The following SDCCAG8 variants were observed in gnomAD, a reference collection of about 807,000 sequenced individuals.
SDCCAG8 encodes serologically defined colon cancer antigen 8.
A neutral mutation model predicts 101.8 loss-of-function variants in SDCCAG8; 74 were observed. The observed-to-expected ratio is 0.73, with a 90% CI of 0.60 to 0.88. The LOEUF (loss-of-function observed/expected upper bound fraction) is 0.88, where lower values mean the gene tolerates loss of function less well. Among genes scored for constraint, SDCCAG8 ranks in the 40% least tolerant of loss-of-function variants. The probability of loss-of-function intolerance (pLI) is 0.00; values close to 1 mark genes in which losing one functional copy is unlikely to be tolerated. For synonymous variants in SDCCAG8, 281 were observed against 292.9 expected (o/e 0.96, Z 0.41); for missense variants, 787 against 822.6 (o/e 0.96, Z 0.53).
intron 12 of SDCCAG8, among the ~76,000 whole-genome samples, chr1:243,371,716 T>C (rs1175584349): frequency 6.6e-6 from 1 of 152,136 alleles, no homozygotes; most frequent in East Asian, 1.9e-4. Context: ...TTTGTTCACA[T>C]AGGCTGGTTC....
chr1:243,299,049 A>T (rs773249066), intron 6 of SDCCAG8, among the ~76,000 whole-genome samples: 56 of 152,244 alleles, frequency 3.7e-4, no homozygotes, highest in Non-Finnish European at 6.5e-4. Flanking sequence ...TAAACTGCAT[A>T]TCAGTCCACT....
At chr1:243,428,561 T>C (rs1159811468) in intron 16 of SDCCAG8, among the ~76,000 whole-genome samples, 1 of 152,180 alleles carries the variant, frequency 6.6e-6, no homozygotes, top group African/African-American at 2.4e-5. Flanking sequence ...AGACAAACCA[T>C]GTAGCCTAGA....
At chr1:243,283,867 A>G (rs558813282) in intron 4 of SDCCAG8, among the ~76,000 whole-genome samples, 15 of 152,108 alleles carry the variant, frequency 9.9e-5, no homozygotes, top group African/African-American at 3.4e-4. Context: ...CAGCCTCCCG[A>G]GTGGCTGGGA....
At chr1:243,435,139 C>T (rs760501222) in intron 16 of SDCCAG8, among the ~76,000 whole-genome samples, 1 of 152,226 alleles carries the variant, frequency 6.6e-6, no homozygotes, top group Non-Finnish European at 1.5e-5. Flanking sequence ...TTTAAGCTAC[C>T]TTCAAGATCT....
intron 16 of SDCCAG8, among the ~76,000 whole-genome samples, chr1:243,427,312 C>A (rs1196281968): frequency 1.3e-5 from 2 of 152,048 alleles, no homozygotes; most frequent in East Asian, 3.8e-4. Flanking sequence ...AAATCCTTTT[C>A]TTTTTGTGCA....
chr1:243,387,233 A>G (rs1259975928), intron 13 of SDCCAG8, among the ~76,000 whole-genome samples: 1 of 152,024 alleles, frequency 6.6e-6, no homozygotes, highest in East Asian at 1.9e-4. Flanking sequence ...ATTCTTTTCC[A>G]TACCTTTTGC....
chr1:243,380,035 T>C (rs1428118728), intron 13 of SDCCAG8, among the ~76,000 whole-genome samples: 1 of 152,152 alleles, frequency 6.6e-6, no homozygotes, highest in Non-Finnish European at 1.5e-5. Context: ...CATTTTGTTA[T>C]GATAATATTC....
intron 8 of SDCCAG8, among the ~76,000 whole-genome samples, chr1:243,314,447 A>G (rs1489563468): frequency 6.6e-6 from 1 of 152,230 alleles, no homozygotes; most frequent in Admixed American, 6.5e-5. Context: ...TTTTCAGTTT[A>G]GATCATGAAA....
chr1:243,308,502 A>G (rs2072387950), intron 8 of SDCCAG8, among the ~76,000 whole-genome samples: 1 of 152,208 alleles, frequency 6.6e-6, no homozygotes, highest in South Asian at 2.1e-4. Flanking sequence ...TATGATTACA[A>G]ATCTAATACT....
intron 13 of SDCCAG8, among the ~76,000 whole-genome samples, chr1:243,390,164 G>A (rs969990161): frequency 1.3e-5 from 2 of 152,034 alleles, no homozygotes. Flanking sequence ...TTCCTCCTGA[G>A]TTTTATTCAA....
At chr1:243,371,260 T>C (rs1445268556) in intron 12 of SDCCAG8, among the ~76,000 whole-genome samples, 3 of 152,114 alleles carry the variant, frequency 2.0e-5, no homozygotes, top group Non-Finnish European at 2.9e-5. Flanking sequence ...TATTTTCTCT[T>C]GTATCTAGGA....
At chr1:243,318,728 A>G (rs2073486339) in intron 9 of SDCCAG8, among the ~76,000 whole-genome samples, 1 of 152,050 alleles carries the variant, frequency 6.6e-6, no homozygotes, top group Non-Finnish European at 1.5e-5. Context: ...CCTCAATGCC[A>G]TGTTTCAAAA....
Position 243,454,372 on chromosome 1 carries a change from C to T in SDCCAG8, c.1985+27814C>T, listed in dbSNP as rs189863218. Among the ~76,000 whole-genome samples, 151 of 152,208 alleles carry T rather than the reference C, an allele frequency of 9.9e-4. 1 individual carries two copies. The highest frequency in any genetic ancestry group is 3.4e-3 in the Middle Eastern group (1 of 294). On this transcript the variant is annotated intron_variant, in intron 16 of 17. Coordinates refer to ENST00000366541, the MANE Select transcript of SDCCAG8 (RefSeq NM_006642.5). The stretch of plus-strand genomic sequence containing the variant: ...CACAGGCCTAAAATCAGAGTTTCCT[C>T]TTCCCGGGACTCATACCCCTTCAGC...
intron 1 of SDCCAG8, chr1:243,269,048 CCT>C: frequency 6.5e-6 from 1 of 152,874 alleles, no homozygotes; most frequent in Non-Finnish European, 1.5e-5. Context: ...GGTCTCAGGG[CCT>C]CTCTCTTCCT....
chr1:243,422,194 T>C (rs1056251876), intron 15 of SDCCAG8, among the ~76,000 whole-genome samples: 4 of 152,242 alleles, frequency 2.6e-5, no homozygotes, highest in Admixed American at 6.5e-5. Flanking sequence ...TGGACTGATG[T>C]CTAACACTGC....
chr1:243,358,004 G>A (rs971269497), intron 12 of SDCCAG8, among the ~76,000 whole-genome samples: 1 of 152,096 alleles, frequency 6.6e-6, no homozygotes, highest in Non-Finnish European at 1.5e-5. Flanking sequence ...AGAAAACATA[G>A]GCATACATCT....
chr1:243,418,791 TTTTGTAAATGAAAGA>T (rs2080784060), intron 15 of SDCCAG8, among the ~76,000 whole-genome samples: 1 of 152,218 alleles, frequency 6.6e-6, no homozygotes, highest in Non-Finnish European at 1.5e-5. Context: ...TAGTTTCTTC[TTTTGTAAATGAAAGA>T]CATTGGACAG....
intron 4 of SDCCAG8, among the ~76,000 whole-genome samples, chr1:243,277,972 G>A (rs374645311): frequency 9.2e-5 from 14 of 152,124 alleles, no homozygotes; most frequent in East Asian, 7.7e-4. Flanking sequence ...ATTGTGATGA[G>A]TATTCTGGGA....
intron 12 of SDCCAG8, among the ~76,000 whole-genome samples, chr1:243,371,368 T>C (rs1273279304): frequency 1.3e-5 from 2 of 152,158 alleles, no homozygotes; most frequent in Non-Finnish European, 2.9e-5. Context: ...TATAATCTTA[T>C]GTAAGTTACT....
Sources: gnomAD v4.1 joint callset for allele counts (sites outside exome capture counted in the v4.1 genomes callset) on GRCh38, gnomAD v4.1.1 for gene constraint, MANE v1.5 for transcripts, NCBI Gene and HGNC (gene_info 2026-07-23, HGNC 2026-07-21) for gene names.